TOM1L2: variants seen among roughly 807,000 people sequenced by gnomAD.
TOM1L2 encodes TOM1-like protein 2.
TOM1L2 carries 31 observed loss-of-function variants against 67.9 expected under a neutral mutation model. That is an observed-to-expected ratio of 0.46 (90% CI 0.34 to 0.62). TOM1L2 has a LOEUF of 0.62. TOM1L2 is among the 20% of genes least tolerant of loss of function. The pLI is 0.01. For missense variants in TOM1L2, 606 were observed against 663.5 expected, an observed-to-expected ratio of 0.91 and a Z score of 0.95; for synonymous variants, 256 against 254.0, an observed-to-expected ratio of 1.01 and a Z score of -0.07.
intron 1 of TOM1L2, among the ~76,000 whole-genome samples, chr17:17,910,698 T>C (rs550841043): frequency 2.6e-5 from 4 of 152,014 alleles, no homozygotes; most frequent in South Asian, 2.1e-4. Context: ...GCCTCCCGAG[T>C]AGCTGGGATT....
intron 1 of TOM1L2, 87 bp from the exon 2 acceptor site, chr17:17,907,618 ATTC>A: frequency 8.6e-7 from 1 of 1,161,400 alleles, no homozygotes; most frequent in Non-Finnish European, 1.3e-6. Context: ...GAACCACCAC[ATTC>A]TTCTCCCAAG....
intron 4 of TOM1L2, among the ~76,000 whole-genome samples, chr17:17,891,750 G>C (rs1470451877): frequency 6.6e-6 from 1 of 151,890 alleles, no homozygotes; most frequent in African/African-American, 2.4e-5. Flanking sequence ...CTGTGGTAGA[G>C]TGGGGTGTAT....
chr17:17,934,858 G>C (rs963604079), intron 1 of TOM1L2, among the ~76,000 whole-genome samples: 1 of 152,170 alleles, frequency 6.6e-6, no homozygotes, highest in South Asian at 2.1e-4. Flanking sequence ...TTTAACAGGG[G>C]AAAACCTTCA....
At chr17:17,892,215 G>A (rs1440424729) in intron 4 of TOM1L2, among the ~76,000 whole-genome samples, 2 of 152,170 alleles carry the variant, frequency 1.3e-5, no homozygotes, top group Admixed American at 6.5e-5. Flanking sequence ...AGTGAGCACA[G>A]GGAATGGACA....
intron 1 of TOM1L2, among the ~76,000 whole-genome samples, chr17:17,925,513 A>T (rs1304771417): frequency 6.6e-6 from 1 of 152,004 alleles, no homozygotes; most frequent in East Asian, 1.9e-4. Context: ...AATGACCAAA[A>T]CTAAAAGCCA....
chr17:17,862,713 A>C lies in TOM1L2; in HGVS notation c.1202+18T>G. On this transcript the variant is annotated intron_variant, in intron 11 of 14. Coordinates refer to ENST00000379504, the MANE Select transcript of TOM1L2 (RefSeq NM_001082968.2). ...CCCCCAATATCTTTAGAGAGCCACT[A>C]AAAGGGGCCCCACATACGTCTTGCG... is the stretch of plus-strand genomic sequence containing the variant. 1.3e-6 allele frequency: 2 copies of C among 1,599,748 alleles called. No individual in the cohort carries two copies. Among genetic ancestry groups the C allele is most frequent in the African/African-American group, 1.3e-5 (1 of 74,604 alleles).
chr17:17,921,767 G>T (rs1198117321), intron 1 of TOM1L2, among the ~76,000 whole-genome samples: 1 of 113,108 alleles, frequency 8.8e-6, no homozygotes, highest in Non-Finnish European at 1.8e-5. Flanking sequence ...GGGGGGGTGG[G>T]ATTCACCTGT....
At chr17:17,940,646 A>C (rs1410759332) in intron 1 of TOM1L2, among the ~76,000 whole-genome samples, 2 of 152,252 alleles carry the variant, frequency 1.3e-5, no homozygotes, top group African/African-American at 4.8e-5. Context: ...ACCCTCAGCA[A>C]TGCCATTCCG....
intron 7 of TOM1L2, among the ~76,000 whole-genome samples, chr17:17,872,419 C>T (rs975468939): frequency 6.6e-6 from 1 of 152,144 alleles, no homozygotes; most frequent in African/African-American, 2.4e-5. Flanking sequence ...TTTGACAGAC[C>T]ATCCTCCCCT....
intron 1 of TOM1L2, among the ~76,000 whole-genome samples, chr17:17,942,978 AAAGT>A (rs1232892515): frequency 6.6e-6 from 1 of 152,182 alleles, no homozygotes; most frequent in Non-Finnish European, 1.5e-5. Flanking sequence ...TAATTATTAT[AAAGT>A]AATATGATGC....
chr17:17,902,178 A>AAAAT (rs148312891), intron 2 of TOM1L2, among the ~76,000 whole-genome samples: 10 of 152,196 alleles, frequency 6.6e-5, no homozygotes, highest in South Asian at 2.1e-4. Context: ...CTCCACCTCA[A>AAAAT]AAATAAATAA....
chr17:17,945,620 A>G (rs1365193257), intron 1 of TOM1L2, among the ~76,000 whole-genome samples: 1 of 152,170 alleles, frequency 6.6e-6, no homozygotes, highest in Non-Finnish European at 1.5e-5. Context: ...TTTACAGCCT[A>G]TACATCTTAG....
chr17:17,894,717 G>A (rs1439560650), intron 3 of TOM1L2, among the ~76,000 whole-genome samples: 2 of 152,214 alleles, frequency 1.3e-5, no homozygotes, highest in Non-Finnish European at 2.9e-5. Context: ...GATCACCTGA[G>A]GTCAGGAATT....
chr17:17,933,058 G>A (rs2040397049), intron 1 of TOM1L2, among the ~76,000 whole-genome samples: 1 of 152,120 alleles, frequency 6.6e-6, no homozygotes, highest in Non-Finnish European at 1.5e-5. Flanking sequence ...TTTTCTCAGG[G>A]AACAAGAAGA....
intron 10 of TOM1L2, among the ~76,000 whole-genome samples, chr17:17,864,411 C>T (rs1363494743): frequency 1.9e-4 from 28 of 150,820 alleles, no homozygotes; most frequent in Admixed American, 1.5e-3. Context: ...AGGGTTTCAC[C>T]GTGCTAGCCA....
At position 17,882,816 on chromosome 17, in the gene TOM1L2, T is replaced by C; in HGVS notation, c.549A>G (p.Ser183=). The C allele has an allele frequency of 6.2e-7, 1 of 1,614,184 alleles. No individual in the cohort carries two copies. Among genetic ancestry groups the C allele is most frequent in the Non-Finnish European group, 8.5e-7 (1 of 1,180,026 alleles). Residue 183 remains serine, a synonymous_variant, in exon 6 of 15, where the codon TCA becomes TCG. Coordinates refer to ENST00000379504, the MANE Select transcript of TOM1L2 (RefSeq NM_001082968.2). ...DPAATMPRSQ[S]QQRTSAGSYS... ...AGGAACCAGCACTTGTCCTCTGCTGTGATTGGGACCTGGGCATGGTCGCAG... is the reference window on the plus strand; with the variant it reads ...AGGAACCAGCACTTGTCCTCTGCTGCGATTGGGACCTGGGCATGGTCGCAG...
intron 1 of TOM1L2, among the ~76,000 whole-genome samples, chr17:17,940,274 G>A (rs2144781761): frequency 6.6e-6 from 1 of 151,880 alleles, no homozygotes; most frequent in South Asian, 2.1e-4. Flanking sequence ...GCTTATACGG[G>A]TCAAGCACTG....
At chr17:17,930,086 A>T (rs1372490159) in intron 1 of TOM1L2, among the ~76,000 whole-genome samples, 2 of 152,150 alleles carry the variant, frequency 1.3e-5, no homozygotes, top group Non-Finnish European at 2.9e-5. Flanking sequence ...CAAAACAAAA[A>T]AGACACTCCA....
At chr17:17,921,400 G>T (rs181963697) in intron 1 of TOM1L2, among the ~76,000 whole-genome samples, 136 of 152,362 alleles carry the variant, frequency 8.9e-4, no homozygotes, top group African/African-American at 3.0e-3. Context: ...TGCATTTGGG[G>T]TGTGCTCTCT....
Sources: allele counts gnomAD v4.1 joint callset (sites outside exome capture counted in the v4.1 genomes callset), GRCh38; gene constraint gnomAD v4.1.1; transcripts MANE v1.5; gene names NCBI Gene and HGNC (gene_info 2026-07-23, HGNC 2026-07-21).